The following RASSF9 variants were observed in gnomAD, a reference collection of about 807,000 sequenced individuals.
The protein encoded by RASSF9 is ras association domain-containing protein 9.
A neutral mutation model predicts 21.4 loss-of-function variants in RASSF9; 18 were observed. That is an observed-to-expected ratio of 0.84 (90% CI 0.58 to 1.25). RASSF9 has a LOEUF of 1.25. Ranked by LOEUF, RASSF9 falls within the 50% of genes most tolerant of loss-of-function variation. The pLI is 0.00. For synonymous variants in RASSF9, 183 were observed against 179.1 expected, an observed-to-expected ratio of 1.02 and a Z score of -0.18; for missense variants, 480 against 503.2, an observed-to-expected ratio of 0.95 and a Z score of 0.44.
intron 1 of RASSF9, among the ~76,000 whole-genome samples, chr12:85,818,899 C>G (rs1463700421): frequency 7.3e-6 from 1 of 137,572 alleles, no homozygotes. Flanking sequence ...GTGGAGCTTG[C>G]AGTGAGCTGA....
In RASSF9 at chr12:85,802,874, A is replaced by G. The variant is rs537012053; in HGVS notation, c.*1828T>C. On this transcript the variant is annotated 3_prime_UTR_variant, in exon 2 of 2. Transcript: ENST00000361228. ...CTTTCCTTTCACAGATGACTATTCA[A>G]TTTTATCTTTTTTAAAAAAATGTAA... The G allele has an allele frequency of 6.6e-6, 1 of 152,096 alleles. No individual in the cohort carries two copies. The highest frequency in any genetic ancestry group is 1.5e-5 in the Non-Finnish European group (1 of 67,974). 9.4% of individuals were successfully genotyped at this position (152,096 alleles called of 1,614,324 possible).
chr12:85,835,183 A>C (rs1410468620), intron 1 of RASSF9, among the ~76,000 whole-genome samples: 1 of 152,126 alleles, frequency 6.6e-6, no homozygotes, highest in Non-Finnish European at 1.5e-5. Flanking sequence ...CCTACCATGT[A>C]ATTGTATCCT....
Position 85,801,236 on chromosome 12 carries a change from A to C in RASSF9, c.*3466T>G, listed in dbSNP as rs1349254266. 2 of 152,204 alleles carry C rather than the reference A, an allele frequency of 1.3e-5. No homozygotes were observed. Among genetic ancestry groups the C allele is most frequent in the Non-Finnish European group, 2.9e-5 (2 of 68,026 alleles). The allele number at this position is 152,204 out of a possible 1,614,324, so 9.4% of individuals were successfully genotyped here. A position where few individuals can be genotyped will look rare whatever the true frequency, so the allele number is the denominator to read the frequency against. ...TCAGTAATACTATTATTAAAAATAA[A>C]CATTGATGCCACATTTAAAAAAATC... On this transcript the variant is annotated 3_prime_UTR_variant, in exon 2 of 2. Coordinates refer to ENST00000361228, the MANE Select transcript of RASSF9 (RefSeq NM_005447.4).
intron 1 of RASSF9, among the ~76,000 whole-genome samples, chr12:85,817,258 TTTAGATG>T (rs1880093112): frequency 6.6e-6 from 1 of 152,090 alleles, no homozygotes; most frequent in Admixed American, 6.5e-5. Flanking sequence ...GAATAATCCA[TTTAGATG>T]TTAAAGAGTC....
chr12:85,814,978 T>C (rs897143454), intron 1 of RASSF9, among the ~76,000 whole-genome samples: 1 of 151,936 alleles, frequency 6.6e-6, no homozygotes, highest in Non-Finnish European at 1.5e-5. Context: ...GCACAATAGG[T>C]TATTGCAATT....
At chr12:85,806,124 G>A (rs1592526369) in intron 1 of RASSF9, among the ~76,000 whole-genome samples, 162 bp from the exon 2 acceptor site, 1 of 151,786 alleles carries the variant, frequency 6.6e-6, no homozygotes, top group African/African-American at 2.4e-5. Flanking sequence ...TCAGCTCACT[G>A]CAAGCTCCGC....
chr12:85,812,563 A>C (rs919587412), intron 1 of RASSF9, among the ~76,000 whole-genome samples: 1 of 151,276 alleles, frequency 6.6e-6, no homozygotes, highest in Non-Finnish European at 1.5e-5. Context: ...AGTTTTTACT[A>C]TCAGATTTTA....
chr12:85,821,491 G>A (rs1223383311), intron 1 of RASSF9, among the ~76,000 whole-genome samples: 6 of 152,126 alleles, frequency 3.9e-5, no homozygotes, highest in African/African-American at 9.7e-5. Context: ...TATGAAAATA[G>A]TTTCCTCCAA....
chr12:85,811,063 A>T (rs1879943534), intron 1 of RASSF9, among the ~76,000 whole-genome samples: 1 of 151,896 alleles, frequency 6.6e-6, no homozygotes, highest in African/African-American at 2.4e-5. Context: ...ATTATGTGTC[A>T]ATAGTTATTT....
chr12:85,808,699 A>AT (rs979670117), intron 1 of RASSF9, among the ~76,000 whole-genome samples: 20 of 151,322 alleles, frequency 1.3e-4, no homozygotes, highest in African/African-American at 3.1e-4. Context: ...TTAGTATAAC[A>AT]TTTTTTGTAC....
In RASSF9 at chr12:85,805,104, C is replaced by T. The variant is rs770189469; in HGVS notation, c.906G>A (p.Ala302=). 8 of 1,613,946 alleles carry T rather than the reference C, an allele frequency of 5.0e-6. No individual in the cohort carries two copies. Among genetic ancestry groups the T allele is most frequent in the South Asian group, 3.3e-5 (3 of 91,084 alleles). Residue 302 remains alanine, a synonymous_variant, in exon 2 of 2, where the codon GCG becomes GCA. Coordinates refer to ENST00000361228, the MANE Select transcript of RASSF9 (RefSeq NM_005447.4). ...KSVCIDINED[A]EGEAASELES... Reference sequence around the variant, plus strand: ...CCAGTTCACTTGCAGCTTCCCCTTCCGCATCTTCATTTATATCAATGCAAA... The same window carrying T: ...CCAGTTCACTTGCAGCTTCCCCTTCTGCATCTTCATTTATATCAATGCAAA...
At chr12:85,824,108 C>CT (rs543695476) in intron 1 of RASSF9, among the ~76,000 whole-genome samples, 26 of 151,238 alleles carry the variant, frequency 1.7e-4, no homozygotes, top group East Asian at 7.8e-4. Flanking sequence ...TTCCCAACTT[C>CT]TTTTTTTTTG....
chr12:85,811,509 TAG>T (rs764959200), intron 1 of RASSF9, among the ~76,000 whole-genome samples: 3 of 151,898 alleles, frequency 2.0e-5, no homozygotes, highest in Non-Finnish European at 4.4e-5. Flanking sequence ...TGTTACATTA[TAG>T]AGGAAAAGCA....
intron 1 of RASSF9, among the ~76,000 whole-genome samples, chr12:85,823,601 C>T (rs1381112979): frequency 6.6e-6 from 1 of 152,174 alleles, no homozygotes; most frequent in Non-Finnish European, 1.5e-5. Flanking sequence ...CTTGCTATGA[C>T]CAATGGAATG....
In RASSF9 at chr12:85,805,672, A is replaced by T. The variant is rs373485513; in HGVS notation, c.338T>A (p.Val113Asp). 6 of 1,613,910 alleles carry T rather than the reference A, an allele frequency of 3.7e-6. No individual in the cohort carries two copies. In the African/African-American group the frequency reaches 6.7e-5, roughly 18 times the overall value. ...WGDEQPNMQFVLVKADAFLPV... is the reference protein window; with the variant it reads ...WGDEQPNMQFDLVKADAFLPV... ...AAGAAAAGCATCTGCTTTAACCAAAACAAATTGCATATTGGGCTGCTCATC... is the reference window on the plus strand; with the variant it reads ...AAGAAAAGCATCTGCTTTAACCAAATCAAATTGCATATTGGGCTGCTCATC... The change falls in exon 2 of 2, where the codon GTT becomes GAT. Residue 113 changes from valine (V) to aspartate (D), a missense_variant. Transcript: ENST00000361228.
At position 85,836,400 on chromosome 12, in the gene RASSF9, G is replaced by A. The variant is rs572422527; in HGVS notation, c.-199C>T. The A allele has an allele frequency of 8.2e-7, 1 of 1,224,340 alleles. No individual in the cohort carries two copies. The highest frequency in any genetic ancestry group is 2.5e-5 in the Admixed American group (1 of 39,440). 75.8% of individuals were successfully genotyped at this position (1,224,340 alleles called of 1,614,324 possible). A position where few individuals can be genotyped will look rare whatever the true frequency, so the allele number is the denominator to read the frequency against. The stretch of plus-strand genomic sequence containing the variant: ...AACTGCTGCTTAACTTTGAACTGCG[G>A]GATTGTTGTGGCTGCTGCACCTCTG... On this transcript the variant is annotated 5_prime_UTR_variant, in exon 1 of 2. Transcript: ENST00000361228.
intron 1 of RASSF9, among the ~76,000 whole-genome samples, chr12:85,835,900 A>C (rs1880549626): frequency 6.6e-6 from 1 of 152,152 alleles, no homozygotes; most frequent in African/African-American, 2.4e-5. Flanking sequence ...AAAGGAGTCA[A>C]ATATAATCAC....
At chr12:85,808,667 T>G (rs1879886564) in intron 1 of RASSF9, among the ~76,000 whole-genome samples, 1 of 152,014 alleles carries the variant, frequency 6.6e-6, no homozygotes, top group Non-Finnish European at 1.5e-5. Context: ...ATGTTTTAAT[T>G]ATGTGCATGC....
chr12:85,819,210 AT>A (rs11320045), intron 1 of RASSF9, among the ~76,000 whole-genome samples: 36,969 of 147,242 alleles, frequency 0.25, 4,859 homozygotes, highest in African/African-American at 0.35. Flanking sequence ...TGCTTTAAGC[AT>A]TTTTTTTTTT....
Sources: allele counts gnomAD v4.1 joint callset (sites outside exome capture counted in the v4.1 genomes callset), GRCh38; gene constraint gnomAD v4.1.1; transcripts MANE v1.5; gene names NCBI Gene and HGNC (gene_info 2026-07-23, HGNC 2026-07-21).